TMEM70: variants seen among roughly 807,000 people sequenced by gnomAD.
The protein encoded by TMEM70 is transmembrane protein 70, also known as transmembrane protein 70, mitochondrial.
TMEM70 carries 15 observed loss-of-function variants against 20.5 expected under a neutral mutation model. The observed-to-expected ratio is 0.73, with a 90% CI of 0.49 to 1.13. TMEM70 has a LOEUF of 1.13. Among genes scored for constraint, TMEM70 ranks in the 50% most tolerant of loss-of-function variants. The pLI is 0.00. For missense variants in TMEM70, 344 were observed against 331.7 expected (o/e 1.04, Z -0.29); for synonymous variants, 141 against 134.2 (o/e 1.05, Z -0.35).
rs188504624 is a variant in TMEM70, at chr8:73,981,797, A to T, written c.*176A>T. ...TAAAACAAGCTATGTTTGAAAACCA[A>T]AATGTAGTATCTACCATTCGTGTTT... is the stretch of plus-strand genomic sequence containing the variant. On this transcript the variant is annotated 3_prime_UTR_variant, in exon 3 of 3. Coordinates refer to ENST00000312184, the MANE Select transcript of TMEM70 (RefSeq NM_017866.6). The T allele has an allele frequency of 8.7e-5, 61 of 698,632 alleles. No individual in the cohort carries two copies. The African/African-American group carries it at 9.6e-4, about 11-fold the overall frequency. 43.3% of individuals were successfully genotyped at this position (698,632 alleles called of 1,614,324 possible).
chr8:73,978,932 T>A (rs1815721514), intron 2 of TMEM70, 71 bp downstream of exon 2: 1 of 1,559,214 alleles, frequency 6.4e-7, no homozygotes. Flanking sequence ...CCTTACCATA[T>A]CTTACTTGTT....
Position 73,978,752 on chromosome 8 carries a change from A to G in TMEM70, c.211-4A>G, listed in dbSNP as rs375362169. On this transcript the variant is annotated splice_polypyrimidine_tract_variant and splice_region_variant and intron_variant, in intron 1 of 2. Coordinates refer to ENST00000312184, the MANE Select transcript of TMEM70 (RefSeq NM_017866.6). Reference sequence around the variant, plus strand: ...GTTGACCATAATGATCCCTGTTTCAATAGATCCCTGTTTATTGGGAAGGAT... The same window carrying G: ...GTTGACCATAATGATCCCTGTTTCAGTAGATCCCTGTTTATTGGGAAGGAT... 1.5e-5 allele frequency: 25 copies of G among 1,613,802 alleles called. No individual in the cohort carries two copies. Among genetic ancestry groups the G allele is most frequent in the African/African-American group, 4.0e-5 (3 of 74,936 alleles).
chr8:73,976,362 C>T lies in TMEM70; in HGVS notation c.81C>T (p.Ala27=). ...CGRRTALCAA[A]ALRGPRASVS... is the part of the protein sequence containing the mutation. ...GGAGGACTGCATTGTGTGCGGCCGC[C>T]GCGCTCCGAGGTCCCCGGGCCTCTG... Residue 27 remains alanine, a synonymous_variant, in exon 1 of 3, where the codon GCC becomes GCT. Transcript: ENST00000312184. The T allele has an allele frequency of 6.3e-7, 1 of 1,598,654 alleles. No individual in the cohort carries two copies. Among genetic ancestry groups the T allele is most frequent in the African/African-American group, 1.3e-5 (1 of 74,998 alleles).
Position 73,978,825 on chromosome 8 carries a change from C to T in TMEM70, c.280C>T (p.Leu94=). ...ATCTGACAAATCAGAAGATGGAAGG[C>T]TAATTTATACTGGCAATATGGCCCG... ...TPSDKSEDGR[L]IYTGNMARAV... Residue 94 remains leucine (L), a synonymous_variant, in exon 2 of 3, where the codon CTA becomes TTA. Transcript: ENST00000312184. 1 of 1,613,984 alleles carries T rather than the reference C, an allele frequency of 6.2e-7. No individual in the cohort carries two copies. Among genetic ancestry groups the T allele is most frequent in the African/African-American group, 1.3e-5 (1 of 74,988 alleles).
At position 73,981,710 on chromosome 8, in the gene TMEM70, T is replaced by C. The variant is rs759296507; in HGVS notation, c.*89T>C. Reference sequence around the variant, plus strand: ...CTTTTGCATTCCGTTAGTGACTGATTGTTAAAAATAATTTGAAATTATCAA... The same window carrying C: ...CTTTTGCATTCCGTTAGTGACTGATCGTTAAAAATAATTTGAAATTATCAA... On this transcript the variant is annotated 3_prime_UTR_variant, in exon 3 of 3. Transcript: ENST00000312184. 10 of 873,358 alleles carry C rather than the reference T, an allele frequency of 1.1e-5. No homozygotes were observed. Among genetic ancestry groups the C allele is most frequent in the African/African-American group, 8.4e-5 (5 of 59,310 alleles). The allele number at this position is 873,358 out of a possible 1,614,324, so 54.1% of individuals were successfully genotyped here. A position where few individuals can be genotyped will look rare whatever the true frequency, so the allele number is the denominator to read the frequency against.
chr8:73,977,695 G>T (rs949789850), intron 1 of TMEM70, among the ~76,000 whole-genome samples: 2 of 151,804 alleles, frequency 1.3e-5, no homozygotes, highest in East Asian at 3.9e-4. Context: ...TTAGAGATGG[G>T]GTCTTGCCAT....
chr8:73,980,337 T>C (rs1284664754), intron 2 of TMEM70, among the ~76,000 whole-genome samples: 1 of 152,062 alleles, frequency 6.6e-6, no homozygotes, highest in Non-Finnish European at 1.5e-5. Context: ...ATGTCTTTCC[T>C]TACTAAAGAA....
At position 73,976,514 on chromosome 8, in the gene TMEM70, T is replaced by C. The variant is rs1815652800; in HGVS notation, c.210+23T>C. 3.3e-6 allele frequency: 5 copies of C among 1,498,536 alleles called. No homozygotes were observed. In the South Asian group the frequency reaches 6.5e-5, roughly 19 times the overall value. The allele number at this position is 1,498,536 out of a possible 1,614,324, so 92.8% of individuals were successfully genotyped here. ...CAGGTAGGGCGTCCGAGGTCTGGTG[T>C]CCCAAGTGAGGCGGGGAGGGCGGGC... is the stretch of plus-strand genomic sequence containing the variant. On this transcript the variant is annotated intron_variant, in intron 1 of 2. Coordinates refer to ENST00000312184, the MANE Select transcript of TMEM70 (RefSeq NM_017866.6).
intron 1 of TMEM70, among the ~76,000 whole-genome samples, chr8:73,976,932 A>T (rs921952524): frequency 6.6e-6 from 1 of 152,322 alleles, no homozygotes; most frequent in African/African-American, 2.4e-5. Flanking sequence ...GGGGATGCAG[A>T]TGTTAATTCT....
intron 2 of TMEM70, among the ~76,000 whole-genome samples, chr8:73,980,298 A>G (rs1815759687): frequency 6.6e-6 from 1 of 152,058 alleles, no homozygotes; most frequent in Non-Finnish European, 1.5e-5. Context: ...CATGCTGGCC[A>G]GGCTGCTTAT....
intron 2 of TMEM70, 105 bp downstream of exon 2, chr8:73,978,966 G>T: frequency 7.3e-7 from 1 of 1,360,874 alleles, no homozygotes; most frequent in Admixed American, 2.1e-5. Context: ...TTAATTACAA[G>T]ACGTAAGGAA....
Position 73,982,018 on chromosome 8 carries a change from T to G in TMEM70, c.*397T>G. On this transcript the variant is annotated 3_prime_UTR_variant, in exon 3 of 3. Transcript: ENST00000312184. Reference sequence around the variant, plus strand: ...TCTTTGAGGAAGACACAGTCATAGGTGGTGCGGAGCTGTGGTCCACCTGCT... The same window carrying G: ...TCTTTGAGGAAGACACAGTCATAGGGGGTGCGGAGCTGTGGTCCACCTGCT... 1 of 465,462 alleles carries G rather than the reference T, an allele frequency of 2.1e-6. No homozygotes were observed. Among genetic ancestry groups the G allele is most frequent in the Non-Finnish European group, 4.3e-6 (1 of 234,066 alleles). The allele number at this position is 465,462 out of a possible 1,614,324, so 28.8% of individuals were successfully genotyped here. A position where few individuals can be genotyped will look rare whatever the true frequency, so the allele number is the denominator to read the frequency against.
Position 73,981,387 on chromosome 8 carries a change from C to A in TMEM70, c.549C>A (p.Thr183=). ...CAACAGACACTTATAAAGCCATTACCTACAATGCTATGCTTGCAGAAACGA... is the reference window on the plus strand; with the variant it reads ...CAACAGACACTTATAAAGCCATTACATACAATGCTATGCTTGCAGAAACGA... ...EATTDTYKAI[T]YNAMLAETST... is the part of the protein sequence containing the mutation. Residue 183 remains threonine (T), a synonymous_variant, in exon 3 of 3, where the codon ACC becomes ACA. Transcript: ENST00000312184. 5 of 1,614,204 alleles carry A rather than the reference C, an allele frequency of 3.1e-6. No homozygotes were observed. The highest frequency in any genetic ancestry group is 4.2e-6 in the Non-Finnish European group (5 of 1,180,022).
chr8:73,979,060 G>GTC (rs1193163809), intron 2 of TMEM70, 199 bp downstream of exon 2: 2 of 699,338 alleles, frequency 2.9e-6, no homozygotes, highest in African/African-American at 3.5e-5. Flanking sequence ...TTGAGACAGA[G>GTC]TCTCACTCTG....
rs768315364 is a variant in TMEM70, at chr8:73,981,532, T to G, written c.694T>G (p.Tyr232Asp). The G allele has an allele frequency of 4.3e-6, 7 of 1,613,846 alleles. No homozygotes were observed. The highest frequency in any genetic ancestry group is 5.9e-6 in the Non-Finnish European group (7 of 1,179,818). ...NPVLFPNRED[Y>D]IHLMGYDKEE... ...AGTGCTCTTTCCAAACCGTGAAGAC[T>G]ATATCCATCTAATGGGTTATGACAA... Residue 232 changes from tyrosine to aspartate, a missense_variant, in exon 3 of 3, where the codon TAT (tyrosine) becomes GAT (aspartate). Physicochemically the swap from Tyr to Asp is radical, Grantham distance 160. Coordinates refer to ENST00000312184, the MANE Select transcript of TMEM70 (RefSeq NM_017866.6).
chr8:73,979,829 T>C (rs1030842681), intron 2 of TMEM70, among the ~76,000 whole-genome samples: 2 of 152,092 alleles, frequency 1.3e-5, no homozygotes, highest in South Asian at 2.1e-4. Flanking sequence ...ATACCAACTT[T>C]AGTGATGCCA....
chr8:73,976,397 C>CGT lies in TMEM70; in HGVS notation c.117_118dup (p.Ser40CysfsTer11), dbSNP rs796052056. On this transcript the variant is annotated frameshift_variant, in exon 1 of 3. Transcript: ENST00000312184. LOFTEE classifies it high-confidence loss of function. ...GGTCCCCGGGCCTCTGTCTCCCGGG[C>CGT]GTCCTCCAGCAGCGGGCCTTCGGGG... is the stretch of plus-strand genomic sequence containing the variant. 14 of 1,589,240 alleles carry CGT rather than the reference C, an allele frequency of 8.8e-6. No homozygotes were observed. Among genetic ancestry groups the CGT allele is most frequent in the Non-Finnish European group, 1.2e-5 (14 of 1,175,346 alleles).
At chr8:73,980,202 C>T (rs151276016) in intron 2 of TMEM70, among the ~76,000 whole-genome samples, 1 of 152,074 alleles carries the variant, frequency 6.6e-6, no homozygotes, top group Non-Finnish European at 1.5e-5. Flanking sequence ...AATTCTCCTG[C>T]CTCAGCACCC....
intron 2 of TMEM70, 24 bp downstream of exon 2, chr8:73,978,885 CT>C (rs754605682): frequency 6.2e-7 from 1 of 1,612,722 alleles, no homozygotes; most frequent in South Asian, 1.1e-5. Context: ...GGTGGGTGTA[CT>C]TACTTTGTTT....
Sources: gnomAD v4.1 joint callset for allele counts (sites outside exome capture counted in the v4.1 genomes callset) on GRCh38, gnomAD v4.1.1 for gene constraint, MANE v1.5 for transcripts, NCBI Gene and HGNC (gene_info 2026-07-23, HGNC 2026-07-21) for gene names.